The following RSF1 variants were observed in gnomAD, a reference collection of about 807,000 sequenced individuals.
The protein encoded by RSF1 is remodeling and spacing factor 1.
In RSF1, 13 loss-of-function variants were observed where a neutral mutation model predicts 145.2. The ratio of observed to expected loss-of-function variants is 0.09; its 90% confidence interval spans 0.06 to 0.14. The LOEUF is 0.14. Ranked by LOEUF, RSF1 falls within the 10% of genes least tolerant of loss-of-function variation. The pLI is 1.00. For synonymous variants in RSF1, 577 were observed against 592.6 expected (o/e 0.97, Z 0.38); for missense variants, 1,517 against 1,718.2 (o/e 0.88, Z 2.07).
At chr11:77,717,302 T>A (rs1169542563) in intron 5 of RSF1, among the ~76,000 whole-genome samples, 2 of 152,044 alleles carry the variant, frequency 1.3e-5, no homozygotes, top group Non-Finnish European at 2.9e-5. Context: ...TCCACAGAGT[T>A]GATAGAAGAG....
chr11:77,785,574 G>A (rs969277010), intron 1 of RSF1, among the ~76,000 whole-genome samples: 3 of 149,186 alleles, frequency 2.0e-5, no homozygotes, highest in Non-Finnish European at 4.5e-5. Flanking sequence ...CAGGCAACAA[G>A]AGCGAAACTC....
At chr11:77,802,427 G>C (rs78619605) in intron 1 of RSF1, among the ~76,000 whole-genome samples, 3,095 of 152,276 alleles carry the variant, frequency 0.02, 94 homozygotes, top group African/African-American at 0.07. Context: ...CACCCACTTG[G>C]TGTGTGCAGA....
the RSF1 span, among the ~76,000 whole-genome samples, chr11:77,838,373 A>C: frequency 1.7e-4 from 26 of 152,188 alleles, 1 homozygote; most frequent in Non-Finnish European, 2.9e-5. Flanking sequence ...TCCTTGATAC[A>C]CTGAGTTGGC....
intron 5 of RSF1, chr11:77,718,290 G>A (rs1343282271): frequency 6.6e-6 from 1 of 151,744 alleles, no homozygotes; most frequent in Non-Finnish European, 1.5e-5. Flanking sequence ...TGGGCAATAA[G>A]AGTAAAACTC....
intron 2 of RSF1, 36 bp from the exon 3 acceptor site, chr11:77,747,164 C>G (rs755561430): frequency 1.5e-6 from 2 of 1,292,638 alleles, no homozygotes; most frequent in South Asian, 2.4e-5. Context: ...TACATGAAAG[C>G]AATTTTTATT....
chr11:77,823,447 T>A (rs1019501922), upstream of RSF1, among the ~76,000 whole-genome samples: 6 of 151,466 alleles, frequency 4.0e-5, no homozygotes, highest in Admixed American at 6.6e-5. Context: ...AAAAATAATC[T>A]GGGCGAGGTG....
the RSF1 span, among the ~76,000 whole-genome samples, chr11:77,832,572 C>T: frequency 6.6e-6 from 1 of 151,868 alleles, no homozygotes; most frequent in African/African-American, 2.4e-5. Flanking sequence ...GTGATCCACC[C>T]GCCTCAGCCT....
At chr11:77,771,908 T>C (rs1948289525) in intron 1 of RSF1, among the ~76,000 whole-genome samples, 2 of 152,172 alleles carry the variant, frequency 1.3e-5, no homozygotes, top group South Asian at 4.1e-4. Flanking sequence ...GGTGCAGAGA[T>C]GTAGGAAAGT....
the RSF1 span, among the ~76,000 whole-genome samples, chr11:77,836,338 AG>A: frequency 2.0e-5 from 3 of 152,286 alleles, no homozygotes; most frequent in African/African-American, 7.2e-5. Context: ...CATAAGAGTC[AG>A]GCCCTAATCT....
upstream of RSF1, among the ~76,000 whole-genome samples, chr11:77,823,147 G>A (rs1388145092): frequency 6.0e-5 from 9 of 149,852 alleles, no homozygotes; most frequent in East Asian, 1.4e-3. Context: ...CCCGGGAGGC[G>A]GAGCTTGCAG....
intron 1 of RSF1, among the ~76,000 whole-genome samples, chr11:77,789,178 G>A (rs1021672054): frequency 2.0e-5 from 3 of 152,258 alleles, no homozygotes; most frequent in East Asian, 1.9e-4. Context: ...AGAGCTCAGC[G>A]GTCCATGTTC....
chr11:77,827,144 CT>C, the RSF1 span, among the ~76,000 whole-genome samples: 1 of 152,004 alleles, frequency 6.6e-6, no homozygotes, highest in East Asian at 1.9e-4. Flanking sequence ...AAATTTGCCC[CT>C]GGCCCCGCCC....
intron 1 of RSF1, among the ~76,000 whole-genome samples, chr11:77,798,580 T>TAAAAAAAAAAAAA (rs1948595336): frequency 2.0e-5 from 1 of 49,442 alleles, no homozygotes; most frequent in African/African-American, 8.5e-5. Flanking sequence ...AGACTCCATC[T>TAAAAAAAAAAAAA]TAAAAAAAAA....
In RSF1 at chr11:77,678,125, C is replaced by T. The variant is rs1959759995; in HGVS notation, c.3094G>A (p.Glu1032Lys). Residue 1032 changes from glutamate (E) to lysine (K), a missense_variant, in exon 12 of 16, where the codon GAA becomes AAA. Around this residue, in one of 12 missense-constraint regions of RSF1, gnomAD observed 231 missense variants for 276.6 expected, o/e 0.84. Coordinates refer to ENST00000308488, the MANE Select transcript of RSF1 (RefSeq NM_016578.4). ...RFDEFDEAIDEAIEDDIKEAD... is the reference protein window; with the variant it reads ...RFDEFDEAIDKAIEDDIKEAD... ...TCTTTGATGTCATCTTCAATAGCTT[C>T]ATCAATTGCTTCATCAAACTCATCA... is the stretch of plus-strand genomic sequence containing the variant. The T allele has an allele frequency of 6.2e-7, 1 of 1,609,182 alleles. No individual in the cohort carries two copies. The highest frequency in any genetic ancestry group is 1.7e-5 in the Admixed American group (1 of 59,826).
intron 9 of RSF1, among the ~76,000 whole-genome samples, chr11:77,690,161 C>CAAAAAAA (rs112481534): frequency 1.4e-4 from 12 of 88,534 alleles, no homozygotes; most frequent in Non-Finnish European, 1.6e-4. Context: ...GACTCCATCT[C>CAAAAAAA]AAAAAAAAAA....
the RSF1 span, among the ~76,000 whole-genome samples, chr11:77,849,647 T>G: frequency 3.3e-5 from 5 of 151,968 alleles, no homozygotes; most frequent in African/African-American, 4.8e-5. Context: ...TTTTGTGTGT[T>G]TTTTTTTAAT....
chr11:77,778,299 C>T (rs1354237962), intron 1 of RSF1, among the ~76,000 whole-genome samples: 1 of 146,830 alleles, frequency 6.8e-6, no homozygotes, highest in East Asian at 2.0e-4. Context: ...AAAATACCTT[C>T]AGGCTTTAGA....
chr11:77,848,342 G>A, the RSF1 span, among the ~76,000 whole-genome samples: 1 of 152,046 alleles, frequency 6.6e-6, no homozygotes, highest in Non-Finnish European at 1.5e-5. Context: ...GACCATATGA[G>A]TTAATATTAC....
In RSF1 at chr11:77,667,620, T is replaced by C; in HGVS notation, c.3752-129A>G. 11 of 753,682 alleles carry C rather than the reference T, an allele frequency of 1.5e-5. No homozygotes were observed. The South Asian group carries it at 2.1e-4, about 14-fold the overall frequency. The allele number at this position is 753,682 out of a possible 1,614,324, so 46.7% of individuals were successfully genotyped here. A position where few individuals can be genotyped will look rare whatever the true frequency, so the allele number is the denominator to read the frequency against. On this transcript the variant is annotated intron_variant, in intron 15 of 15. Coordinates refer to ENST00000308488, the MANE Select transcript of RSF1 (RefSeq NM_016578.4). ...CTTGTACCTAAATGTTTCCTTTCAA[T>C]AATTGGCCTGATTTCTCTCTTCTCA...
Sources: allele counts gnomAD v4.1 joint callset (sites outside exome capture counted in the v4.1 genomes callset), GRCh38; gene constraint gnomAD v4.1.1; regional missense constraint gnomAD v4.1.1; transcripts MANE v1.5; gene names NCBI Gene and HGNC (gene_info 2026-07-23, HGNC 2026-07-21).